EMC1: variants seen among roughly 807,000 people sequenced by gnomAD.
The protein encoded by EMC1 is ER membrane protein complex subunit 1.
EMC1 carries 103 observed loss-of-function variants against 128.8 expected under a neutral mutation model. The ratio of observed to expected loss-of-function variants is 0.80; its 90% CI spans 0.68 to 0.94. EMC1 has a LOEUF of 0.94. Among genes scored for constraint, EMC1 ranks in the 40% least tolerant of loss-of-function variants. The probability of loss-of-function intolerance (pLI) is 0.00; values close to 1 mark genes in which losing one functional copy is unlikely to be tolerated. For synonymous variants in EMC1, 442 were observed against 490.4 expected (o/e 0.90, Z 1.30); for missense variants, 1,083 against 1,250.6 (o/e 0.87, Z 2.02).
rs1324894311 is a variant in EMC1, at chr1:19,220,985, AAAT to A, written c.2588-140_2588-138del. The A allele has an allele frequency of 8.9e-6, 5 of 563,956 alleles. No homozygotes were observed. The African/African-American group carries it at 9.4e-5, about 11-fold the overall frequency. The allele number at this position is 563,956 out of a possible 1,614,324, so 34.9% of individuals were successfully genotyped here. A position where few individuals can be genotyped will look rare whatever the true frequency, so the allele number is the denominator to read the frequency against. The stretch of plus-strand genomic sequence containing the variant: ...CAATGAGGCTCCCTTACATAGCCAA[AAAT>A]AATAATCCAATGATACGCATGGGTC... On this transcript the variant is annotated intron_variant, in intron 20 of 22. Coordinates refer to ENST00000477853, the MANE Select transcript of EMC1 (RefSeq NM_015047.3).
At chr1:19,242,299 A>G in intron 5 of EMC1, 46 bp downstream of exon 5, 1 of 1,609,188 alleles carries the variant, frequency 6.2e-7, no homozygotes, top group East Asian at 2.2e-5. Flanking sequence ...AGGAGCTCCT[A>G]GAGAGTAGAA....
At chr1:19,228,004 G>C (rs1180278628) in intron 17 of EMC1, among the ~76,000 whole-genome samples, 1 of 152,150 alleles carries the variant, frequency 6.6e-6, no homozygotes, top group African/African-American at 2.4e-5. Flanking sequence ...TCGGGAGTTT[G>C]AGACCAGCCT....
rs1273927502 is a variant in EMC1, at chr1:19,237,244, A to G, written c.1213-6T>C. The G allele has an allele frequency of 2.5e-6, 4 of 1,609,286 alleles. No homozygotes were observed. In the African/African-American group the frequency reaches 5.3e-5, roughly 22 times the overall value. On this transcript the variant is annotated splice_region_variant and splice_polypyrimidine_tract_variant and intron_variant, in intron 11 of 22. Transcript: ENST00000477853. ...AAGAACACCTGGATATACAGCTATA[A>G]GCCACAGTCAAGACCGGTGTAGTCA... is the stretch of plus-strand genomic sequence containing the variant.
At position 19,232,877 on chromosome 1, in the gene EMC1, T is replaced by G. The variant is rs2093534570; in HGVS notation, c.1632+59A>C. 3.1e-6 allele frequency: 5 copies of G among 1,606,318 alleles called. No individual in the cohort carries two copies. The Admixed American group carries it at 8.4e-5, about 27-fold the overall frequency. On this transcript the variant is annotated intron_variant, in intron 14 of 22. Transcript: ENST00000477853. ...AGTGTTATCCCTCACTGAAGGCTTT[T>G]TGTTCCTCACCCTCAGAATTTGAAA...
chr1:19,235,504 C>A (rs1470785475), intron 12 of EMC1, among the ~76,000 whole-genome samples: 2 of 152,250 alleles, frequency 1.3e-5, no homozygotes, highest in Admixed American at 6.5e-5. Flanking sequence ...AGATCGAGAC[C>A]ATCCTGGCTA....
At chr1:19,240,095 C>G in intron 7 of EMC1, 110 bp from the exon 8 acceptor site, 1 of 1,254,362 alleles carries the variant, frequency 8.0e-7, no homozygotes, top group Non-Finnish European at 1.1e-6. Context: ...TGGGCCATGG[C>G]AGGTGGCTCC....
chr1:19,230,172 G>A (rs2093508865), intron 17 of EMC1, among the ~76,000 whole-genome samples: 1 of 152,120 alleles, frequency 6.6e-6, no homozygotes, highest in Non-Finnish European at 1.5e-5. Flanking sequence ...TCCATCACGA[G>A]TTGGTCAACA....
At chr1:19,236,203 C>T (rs1204273487) in intron 12 of EMC1, among the ~76,000 whole-genome samples, 5 of 151,710 alleles carry the variant, frequency 3.3e-5, no homozygotes, top group African/African-American at 9.7e-5. Context: ...ATGGTGAAAC[C>T]CTGTCTCTTA....
At chr1:19,226,189 A>C (rs2093471879) in intron 18 of EMC1, among the ~76,000 whole-genome samples, 1 of 152,150 alleles carries the variant, frequency 6.6e-6, no homozygotes, top group Non-Finnish European at 1.5e-5. Flanking sequence ...CTCTCCCATA[A>C]CAGTTTTGCA....
rs1273231242 is a variant in EMC1 at position 19,243,941 on chromosome 1, T to A, written c.286+9A>T. The A allele has an allele frequency of 6.2e-7, 1 of 1,613,780 alleles. No individual in the cohort carries two copies. The highest frequency in any genetic ancestry group is 1.3e-5 in the African/African-American group (1 of 74,904). ...CCGCACAATGGAGACACGGGAGGAC[T>A]CTGCTTACCCTGTCCGTGCAGCAGC... is the stretch of plus-strand genomic sequence containing the variant. On this transcript the variant is annotated intron_variant, in intron 3 of 22. Coordinates refer to ENST00000477853, the MANE Select transcript of EMC1 (RefSeq NM_015047.3).
At chr1:19,245,738 T>C (rs61764877) in intron 1 of EMC1, among the ~76,000 whole-genome samples, 62,651 of 149,198 alleles carry the variant, frequency 0.42, 13,926 homozygotes, top group East Asian at 0.71. Flanking sequence ...GATTCTCCTA[T>C]CTCAGCCTCC....
chr1:19,233,173 TA>T, intron 13 of EMC1, 38 bp from the exon 14 acceptor site: 3 of 1,551,952 alleles, frequency 1.9e-6, no homozygotes, highest in Non-Finnish European at 2.6e-6. Context: ...TACATCAGAC[TA>T]GGGGTCCATA....
intron 13 of EMC1, chr1:19,234,205 G>A (rs2093546010): frequency 1.0e-6 from 1 of 984,394 alleles, no homozygotes; most frequent in Admixed American, 6.2e-5. Flanking sequence ...CCAGGCAGCA[G>A]AAATAAACAG....
intron 12 of EMC1, among the ~76,000 whole-genome samples, chr1:19,236,174 G>A (rs2093561998): frequency 6.6e-6 from 1 of 152,024 alleles, no homozygotes; most frequent in South Asian, 2.1e-4. Context: ...TTAGGAGCTT[G>A]AGACCAGCCT....
chr1:19,238,701 T>C, intron 10 of EMC1, 94 bp downstream of exon 10: 1 of 805,370 alleles, frequency 1.2e-6, no homozygotes, highest in South Asian at 1.5e-5. Flanking sequence ...CTGGGAACTC[T>C]AGGACCTGCT....
chr1:19,249,975 T>C (rs2093649721), intron 1 of EMC1, among the ~76,000 whole-genome samples: 1 of 151,974 alleles, frequency 6.6e-6, no homozygotes, highest in South Asian at 2.1e-4. Flanking sequence ...TCCAACACTT[T>C]GGGAGGCCTA....
intron 21 of EMC1, 152 bp from the exon 22 acceptor site, chr1:19,219,850 A>G (rs1013026997): frequency 1.9e-5 from 14 of 733,012 alleles, no homozygotes; most frequent in African/African-American, 1.6e-4. Context: ...AAAATTTAGC[A>G]GCTGAATGTT....
Position 19,219,572 on chromosome 1 carries a change from A to G in EMC1, c.2799T>C (p.Cys933=), listed in dbSNP as rs954229339. 1.2e-6 allele frequency: 2 copies of G among 1,614,120 alleles called. No individual in the cohort carries two copies. The highest frequency in any genetic ancestry group is 1.7e-6 in the Non-Finnish European group (2 of 1,180,010). ...YTAPSGLEST[C]LVVAYGLDIY... ...GGCAGCTGTGGGCTCTACTCACCAA[A>G]CAAGTGGACTCCAGACCCGAGGGAG... is the stretch of plus-strand genomic sequence containing the variant. The change falls in exon 22 of 23, where the codon TGT becomes TGC. Residue 933 remains cysteine, a synonymous_variant. Transcript: ENST00000477853.
At chr1:19,245,084 A>G in intron 1 of EMC1, 54 bp from the exon 2 acceptor site, 1 of 1,600,024 alleles carries the variant, frequency 6.2e-7, no homozygotes, top group Non-Finnish European at 8.5e-7. Context: ...CCATTCCACA[A>G]AATGCTCCGG....
Sources: gnomAD v4.1 joint callset for allele counts (sites outside exome capture counted in the v4.1 genomes callset) on GRCh38, gnomAD v4.1.1 for gene constraint, MANE v1.5 for transcripts, NCBI Gene and HGNC (gene_info 2026-07-23, HGNC 2026-07-21) for gene names.